The following TPD52 variants were observed in gnomAD, a reference collection of about 807,000 sequenced individuals.
The protein encoded by TPD52 is prostate and colon associated protein.
A neutral mutation model predicts 31.3 loss-of-function variants in TPD52; 17 were observed. The ratio of observed to expected loss-of-function variants is 0.54; its 90% CI spans 0.37 to 0.82. The LOEUF (loss-of-function observed/expected upper bound fraction) is 0.82. TPD52 is among the 40% of genes least tolerant of loss of function. TPD52 has a pLI of 0.00. For missense variants in TPD52, 212 were observed against 240.1 expected (o/e 0.88, Z 0.77); for synonymous variants, 83 against 89.6 (o/e 0.93, Z 0.42).
At chr8:80,074,893 A>G (rs1388571706) in intron 1 of TPD52, among the ~76,000 whole-genome samples, 1 of 152,206 alleles carries the variant, frequency 6.6e-6, no homozygotes, top group Non-Finnish European at 1.5e-5. Flanking sequence ...AGCAGGGAAG[A>G]AAAAAACTGA....
At chr8:80,063,585 G>A (rs1812778762) in intron 2 of TPD52, among the ~76,000 whole-genome samples, 1 of 152,012 alleles carries the variant, frequency 6.6e-6, no homozygotes, top group Admixed American at 6.5e-5. Flanking sequence ...ATCACTTAAG[G>A]TCAGGAGTTC....
chr8:80,050,302 T>G (rs1048817315), intron 5 of TPD52, 143 bp downstream of exon 5: 9 of 623,124 alleles, frequency 1.4e-5, no homozygotes, highest in Admixed American at 1.1e-4. Context: ...AAATTAGGAA[T>G]GCACTAGAGA....
chr8:80,090,674 A>C (rs1055781366), intron 1 of TPD52, among the ~76,000 whole-genome samples: 1 of 152,008 alleles, frequency 6.6e-6, no homozygotes, highest in Admixed American at 6.5e-5. Context: ...CCAATGGGGG[A>C]AAAAAGACTA....
At chr8:80,076,428 T>C (rs1157971414) in intron 1 of TPD52, among the ~76,000 whole-genome samples, 1 of 152,110 alleles carries the variant, frequency 6.6e-6, no homozygotes, top group African/African-American at 2.4e-5. Context: ...GGGCACCTTG[T>C]CACTTATAAG....
intron 1 of TPD52, among the ~76,000 whole-genome samples, chr8:80,156,177 C>G (rs974868009): frequency 6.6e-5 from 10 of 152,198 alleles, no homozygotes; most frequent in Non-Finnish European, 1.5e-4. Context: ...CACCCGCTCA[C>G]ATGAGGGGCT....
rs1809950635 is a variant in TPD52 at position 80,036,952 on chromosome 8, C to T, written c.*1164G>A. Reference sequence around the variant, plus strand: ...AGTTATTAGAATAGAATACCTTGGCCTCTATGCAAATATGTCTAGACACTT... The same window carrying T: ...AGTTATTAGAATAGAATACCTTGGCTTCTATGCAAATATGTCTAGACACTT... On this transcript the variant is annotated 3_prime_UTR_variant, in exon 8 of 8. Coordinates refer to ENST00000518937, the MANE Select transcript of TPD52 (RefSeq NM_001025253.3). 6.6e-6 allele frequency: 1 copy of T among 152,334 alleles called. No homozygotes were observed. 9.4% of individuals were successfully genotyped at this position (152,334 alleles called of 1,614,324 possible). A position where few individuals can be genotyped will look rare whatever the true frequency, so the allele number is the denominator to read the frequency against.
chr8:80,141,920 T>A (rs1459097021), intron 1 of TPD52, among the ~76,000 whole-genome samples: 10 of 124,630 alleles, frequency 8.0e-5, no homozygotes, highest in Admixed American at 6.7e-4. Flanking sequence ...AAAAAAACAA[T>A]AAAAATAAAA....
chr8:80,144,843 C>A (rs1810084021), intron 1 of TPD52, among the ~76,000 whole-genome samples: 2 of 151,762 alleles, frequency 1.3e-5, no homozygotes, highest in African/African-American at 4.8e-5. Context: ...ATTTGTAGGT[C>A]ATCTCATTCC....
At chr8:80,128,991 A>T (rs896024890) in intron 1 of TPD52, among the ~76,000 whole-genome samples, 7 of 152,220 alleles carry the variant, frequency 4.6e-5, no homozygotes, top group Non-Finnish European at 1.0e-4. Flanking sequence ...TTTTTAAAAA[A>T]CATTAAGCCT....
intron 1 of TPD52, among the ~76,000 whole-genome samples, chr8:80,166,534 TA>T (rs1436256557): frequency 6.6e-6 from 1 of 151,666 alleles, no homozygotes; most frequent in Non-Finnish European, 1.5e-5. Flanking sequence ...ATGCGGCCAT[TA>T]AAGTGTATTT....
intron 2 of TPD52, among the ~76,000 whole-genome samples, chr8:80,055,428 A>C (rs1563576497): frequency 6.6e-6 from 1 of 152,168 alleles, no homozygotes; most frequent in Non-Finnish European, 1.5e-5. Flanking sequence ...ATCAACTCAA[A>C]ATGGACTAAG....
At chr8:80,076,467 C>T (rs1411340953) in intron 1 of TPD52, among the ~76,000 whole-genome samples, 1 of 151,162 alleles carries the variant, frequency 6.6e-6, no homozygotes, top group Admixed American at 6.6e-5. Context: ...AACACATGGA[C>T]ACAAAGAGGG....
chr8:80,169,238 C>A (rs1410648944), intron 1 of TPD52, among the ~76,000 whole-genome samples: 1 of 152,154 alleles, frequency 6.6e-6, no homozygotes, highest in Non-Finnish European at 1.5e-5. Flanking sequence ...GCCTCAGCTT[C>A]CCAAAGTGCT....
chr8:80,099,345 A>C (rs562309378), intron 1 of TPD52, among the ~76,000 whole-genome samples: 50 of 152,284 alleles, frequency 3.3e-4, no homozygotes, highest in African/African-American at 1.1e-3. Context: ...CTGTAGCTAA[A>C]TTCTTGGCAT....
intron 1 of TPD52, among the ~76,000 whole-genome samples, chr8:80,082,118 C>CTT (rs376859746): frequency 1.0e-4 from 14 of 140,304 alleles, no homozygotes; most frequent in African/African-American, 2.8e-4. Flanking sequence ...TATGGTAAGT[C>CTT]TTTTTTTTTT....
intron 1 of TPD52, among the ~76,000 whole-genome samples, chr8:80,128,054 T>C (rs1281490955): frequency 3.3e-5 from 5 of 151,894 alleles, no homozygotes; most frequent in Non-Finnish European, 7.4e-5. Flanking sequence ...CTGCTGAAAA[T>C]GTCAAAGGCT....
intron 1 of TPD52, among the ~76,000 whole-genome samples, chr8:80,090,535 A>G (rs1178229316): frequency 6.6e-6 from 1 of 152,208 alleles, no homozygotes; most frequent in East Asian, 1.9e-4. Context: ...AAACTGAATG[A>G]AACTAGATTA....
intron 1 of TPD52, among the ~76,000 whole-genome samples, chr8:80,103,264 CA>C (rs1286617355): frequency 6.6e-6 from 1 of 152,160 alleles, no homozygotes; most frequent in African/African-American, 2.4e-5. Flanking sequence ...GTGAACAAAC[CA>C]AAGCCCAATG....
At chr8:80,124,807 C>T (rs1368607284) in intron 1 of TPD52, among the ~76,000 whole-genome samples, 1 of 152,050 alleles carries the variant, frequency 6.6e-6, no homozygotes, top group Non-Finnish European at 1.5e-5. Flanking sequence ...ACCATTAAGA[C>T]AAACAAACAA....
Sources: gnomAD v4.1 joint callset for allele counts (sites outside exome capture counted in the v4.1 genomes callset) on GRCh38, gnomAD v4.1.1 for gene constraint, MANE v1.5 for transcripts, NCBI Gene and HGNC (gene_info 2026-07-23, HGNC 2026-07-21) for gene names.